EYS: variants seen among roughly 807,000 people sequenced by gnomAD.
EYS encodes the protein EGF-like photoreceptor maintenance factor.
A neutral mutation model predicts 282.1 loss-of-function variants in EYS; 250 were observed. The ratio of observed to expected loss-of-function variants is 0.89; its 90% CI spans 0.80 to 0.98. The LOEUF is 0.98. EYS is among the 50% of genes least tolerant of loss of function. EYS has a pLI of 0.00. For synonymous variants in EYS, 1,355 were observed against 1,282.9 expected (o/e 1.06, Z -1.20); for missense variants, 4,016 against 3,709.0 (o/e 1.08, Z -2.15).
At chr6:64,835,894 A>T (rs2172886) in intron 19 of EYS, among the ~76,000 whole-genome samples, 7 of 151,408 alleles carry the variant, frequency 4.6e-5, no homozygotes, top group South Asian at 2.1e-4. Flanking sequence ...AATCAGTAAG[A>T]CCTAAATTAA....
chr6:65,435,176 C>G (rs567439664), intron 5 of EYS, among the ~76,000 whole-genome samples: 1 of 151,608 alleles, frequency 6.6e-6, no homozygotes, highest in South Asian at 2.1e-4. Context: ...ATAAAATAAC[C>G]TCAAAAAACA....
chr6:64,510,655 A>G (rs1777361035), intron 26 of EYS, among the ~76,000 whole-genome samples: 1 of 152,214 alleles, frequency 6.6e-6, no homozygotes, highest in Non-Finnish European at 1.5e-5. Context: ...ATCATAAATT[A>G]TATTTAAAAT....
chr6:64,784,506 T>G (rs1219513970), intron 22 of EYS, among the ~76,000 whole-genome samples: 2 of 152,196 alleles, frequency 1.3e-5, no homozygotes, highest in Non-Finnish European at 2.9e-5. Context: ...GAATTTAAGA[T>G]TTCTGAGGGC....
intron 2 of EYS, among the ~76,000 whole-genome samples, chr6:65,514,767 T>G (rs1194823060): frequency 6.6e-6 from 1 of 152,190 alleles, no homozygotes; most frequent in African/African-American, 2.4e-5. Flanking sequence ...ATCCCTTCCT[T>G]ACACCTTATA....
intron 41 of EYS, among the ~76,000 whole-genome samples, chr6:63,755,521 T>G (rs1304720974): frequency 6.6e-6 from 1 of 152,220 alleles, no homozygotes; most frequent in Non-Finnish European, 1.5e-5. Flanking sequence ...CATGCTGTTT[T>G]GGTTACTGTA....
At chr6:65,394,249 T>C (rs35568163) in intron 7 of EYS, among the ~76,000 whole-genome samples, 30,127 of 151,922 alleles carry the variant, frequency 0.2, 3,182 homozygotes, top group South Asian at 0.35. Flanking sequence ...TGTGTGTGTG[T>C]GCAAAATGGC....
chr6:63,888,780 G>A (rs1773333208), intron 35 of EYS, among the ~76,000 whole-genome samples: 1 of 152,220 alleles, frequency 6.6e-6, no homozygotes, highest in African/African-American at 2.4e-5. Flanking sequence ...AAACTGGATG[G>A]AGAATGAGTT....
At chr6:64,797,196 A>G (rs1356591137) in intron 22 of EYS, among the ~76,000 whole-genome samples, 1 of 152,114 alleles carries the variant, frequency 6.6e-6, no homozygotes. Flanking sequence ...GAAAAGAAGT[A>G]ATGGGATCAG....
chr6:64,046,117 G>T (rs1210690095), intron 33 of EYS, among the ~76,000 whole-genome samples: 2 of 147,818 alleles, frequency 1.4e-5, no homozygotes, highest in Admixed American at 1.4e-4. Flanking sequence ...CATATGTAAT[G>T]TATTTAAATA....
chr6:64,065,680 T>G (rs940396000), intron 33 of EYS, among the ~76,000 whole-genome samples: 5 of 152,218 alleles, frequency 3.3e-5, no homozygotes, highest in African/African-American at 1.2e-4. Flanking sequence ...CATAGATATT[T>G]TGTTGAACAA....
chr6:65,205,927 T>G (rs1221140622), intron 12 of EYS, among the ~76,000 whole-genome samples: 1 of 151,722 alleles, frequency 6.6e-6, no homozygotes, highest in African/African-American at 2.4e-5. Context: ...AGTCCCTACA[T>G]CAAAAAGAGA....
chr6:65,182,606 C>T (rs1333985727), intron 12 of EYS, among the ~76,000 whole-genome samples: 2 of 151,790 alleles, frequency 1.3e-5, no homozygotes, highest in African/African-American at 2.4e-5. Flanking sequence ...CACACTCAAT[C>T]ATAATTTAAA....
chr6:64,589,042 AG>A (rs1435126254), intron 26 of EYS, among the ~76,000 whole-genome samples: 2 of 152,034 alleles, frequency 1.3e-5, no homozygotes, highest in Non-Finnish European at 2.9e-5. Context: ...GAATTGTTTG[AG>A]AGACGTTTTA....
At chr6:65,564,188 C>T (rs1032243848) in intron 2 of EYS, among the ~76,000 whole-genome samples, 26 of 152,020 alleles carry the variant, frequency 1.7e-4, no homozygotes, top group Non-Finnish European at 3.2e-4. Flanking sequence ...GAAAAAATGG[C>T]CATACTGCCC....
chr6:65,451,779 ACTTTTTATTT>A (rs1285741410), intron 5 of EYS, among the ~76,000 whole-genome samples: 2 of 152,112 alleles, frequency 1.3e-5, no homozygotes, highest in African/African-American at 4.8e-5. Context: ...ACTGATCTAT[ACTTTTTATTT>A]CTTTTTATTA....
intron 13 of EYS, among the ~76,000 whole-genome samples, chr6:65,012,936 T>G (rs1771926311): frequency 6.6e-6 from 1 of 151,998 alleles, no homozygotes; most frequent in South Asian, 2.1e-4. Flanking sequence ...TATAGAGAAT[T>G]CAAATAGAAA....
chr6:64,959,877 T>C (rs1193453382), intron 14 of EYS, among the ~76,000 whole-genome samples: 8 of 31,160 alleles, frequency 2.6e-4, no homozygotes, highest in Non-Finnish European at 6.0e-4. Flanking sequence ...GACTCAGGAT[T>C]TTTTTTTTTT....
intron 14 of EYS, among the ~76,000 whole-genome samples, chr6:64,994,686 A>G (rs944888414): frequency 6.6e-6 from 1 of 152,130 alleles, no homozygotes; most frequent in Non-Finnish European, 1.5e-5. Context: ...AGTAAATATA[A>G]AACTCAAAAA....
intron 31 of EYS, among the ~76,000 whole-genome samples, chr6:64,177,449 A>G (rs1391830019): frequency 6.6e-6 from 1 of 151,954 alleles, no homozygotes. Context: ...AATAGATTAT[A>G]TTTTAAATTA....
Sources: gnomAD v4.1 joint callset for allele counts (sites outside exome capture counted in the v4.1 genomes callset) on GRCh38, gnomAD v4.1.1 for gene constraint, MANE v1.5 for transcripts, NCBI Gene and HGNC (gene_info 2026-07-23, HGNC 2026-07-21) for gene names.